The following CFDP1 variants were observed in gnomAD, a reference collection of about 807,000 sequenced individuals.
CFDP1 encodes the protein chromatin remodeling protein CFDP1.
CFDP1 carries 31 observed loss-of-function variants against 40.1 expected under a neutral mutation model. That is an observed-to-expected ratio of 0.77 (90% CI 0.58 to 1.04). The LOEUF (loss-of-function observed/expected upper bound fraction) is 1.04, where lower values mean the gene tolerates loss of function less well. Among genes scored for constraint, CFDP1 ranks in the 50% least tolerant of loss-of-function variants. The pLI is 0.00. For synonymous variants in CFDP1, 167 were observed against 120.0 expected, an observed-to-expected ratio of 1.39 and a Z score of -2.56; for missense variants, 423 against 343.4, an observed-to-expected ratio of 1.23 and a Z score of -1.83.
At chr16:75,361,435 A>G (rs1208675258) in intron 5 of CFDP1, among the ~76,000 whole-genome samples, 1 of 152,096 alleles carries the variant, frequency 6.6e-6, no homozygotes, top group Non-Finnish European at 1.5e-5. Flanking sequence ...TAGACAACAT[A>G]GTGAATCCCC....
intron 5 of CFDP1, among the ~76,000 whole-genome samples, chr16:75,322,187 G>C (rs908632848): frequency 1.1e-4 from 17 of 152,226 alleles, no homozygotes; most frequent in Admixed American, 9.8e-4. Context: ...AGAAGAATCA[G>C]AAATCTAGTC....
chr16:75,419,370 A>T (rs1334110854), intron 1 of CFDP1, among the ~76,000 whole-genome samples: 2 of 152,228 alleles, frequency 1.3e-5, no homozygotes, highest in African/African-American at 4.8e-5. Context: ...TATTGTTCCA[A>T]TTGATAAAGG....
intron 5 of CFDP1, among the ~76,000 whole-genome samples, chr16:75,318,405 TTTC>T (rs917040565): frequency 4.9e-4 from 54 of 111,018 alleles, no homozygotes; most frequent in East Asian, 2.5e-3. Flanking sequence ...GCTTTCTTTC[TTTC>T]TTTTTTTTTT....
chr16:75,392,677 G>C (rs766459223), intron 5 of CFDP1, among the ~76,000 whole-genome samples: 1 of 152,066 alleles, frequency 6.6e-6, no homozygotes, highest in Non-Finnish European at 1.5e-5. Context: ...TTTGCATTTT[G>C]AGTAGGCATG....
intron 5 of CFDP1, among the ~76,000 whole-genome samples, chr16:75,331,906 A>C (rs1435435080): frequency 6.6e-6 from 1 of 152,192 alleles, no homozygotes; most frequent in Non-Finnish European, 1.5e-5. Context: ...AAGAACTCTC[A>C]CACGTTATAG....
At chr16:75,303,608 C>T (rs1210175558) in intron 6 of CFDP1, among the ~76,000 whole-genome samples, 1 of 150,130 alleles carries the variant, frequency 6.7e-6, no homozygotes, top group Non-Finnish European at 1.5e-5. Flanking sequence ...GCAGGAGGAT[C>T]GTTTGAGCCC....
rs143939828 is a variant in CFDP1 at position 75,389,317 on chromosome 16, G to C, written c.650+5773C>G. ...GACCATGAGAATTTAGACACATTAA[G>C]CTTTGTACTTTACTACCAAATGTAG... On this transcript the variant is annotated intron_variant, in intron 5 of 6. Transcript: ENST00000283882. Among the ~76,000 whole-genome samples the C allele has an allele frequency of 1.5e-3, 221 of 152,308 alleles. 1 individual carries two copies. The highest frequency in any genetic ancestry group is 5.2e-3 in the African/African-American group (218 of 41,580).
At chr16:75,415,702 T>C (rs1597397595) in intron 1 of CFDP1, among the ~76,000 whole-genome samples, 2 of 152,232 alleles carry the variant, frequency 1.3e-5, no homozygotes, top group African/African-American at 4.8e-5. Flanking sequence ...AGCTGTAGTT[T>C]ATTCATTCTC....
chr16:75,352,229 T>C (rs2078617856), intron 5 of CFDP1, among the ~76,000 whole-genome samples: 1 of 151,710 alleles, frequency 6.6e-6, no homozygotes, highest in African/African-American at 2.4e-5. Flanking sequence ...TAGTCCCAGC[T>C]ACTGGGGAAG....
chr16:75,334,590 T>C (rs993151055), intron 5 of CFDP1, among the ~76,000 whole-genome samples: 1 of 152,016 alleles, frequency 6.6e-6, no homozygotes, highest in Admixed American at 6.6e-5. Context: ...GCCCCTCTTT[T>C]ACTATTCATG....
chr16:75,420,083 A>T (rs2151594494), intron 1 of CFDP1, among the ~76,000 whole-genome samples: 1 of 147,074 alleles, frequency 6.8e-6, no homozygotes, highest in South Asian at 2.2e-4. Flanking sequence ...TTGAGTCCAG[A>T]CTGAACAACA....
At chr16:75,321,010 GTT>G (rs1444834505) in intron 5 of CFDP1, among the ~76,000 whole-genome samples, 2 of 152,080 alleles carry the variant, frequency 1.3e-5, no homozygotes, top group Non-Finnish European at 2.9e-5. Flanking sequence ...GATCTTGCTG[GTT>G]TTGAACTCCT....
chr16:75,324,998 T>G (rs2078392342), intron 5 of CFDP1: 1 of 152,214 alleles, frequency 6.6e-6, no homozygotes, highest in Non-Finnish European at 1.5e-5. Flanking sequence ...TAATTTGAGC[T>G]TCTTTGATGG....
intron 5 of CFDP1, among the ~76,000 whole-genome samples, chr16:75,305,914 G>A (rs1441086640): frequency 1.3e-5 from 2 of 152,198 alleles, no homozygotes; most frequent in Admixed American, 6.5e-5. Context: ...TCCACTTGCT[G>A]GTGATGCTAT....
intron 4 of CFDP1, among the ~76,000 whole-genome samples, chr16:75,400,506 A>C (rs187436): frequency 1 from 151,537 of 152,222 alleles, 75,427 homozygotes; most frequent in Middle Eastern, 1. Context: ...AGTTGGAATT[A>C]TCCATCAGGA....
At chr16:75,357,159 C>T (rs532745476) in intron 5 of CFDP1, among the ~76,000 whole-genome samples, 132 of 152,082 alleles carry the variant, frequency 8.7e-4, no homozygotes, top group African/African-American at 2.8e-3. Flanking sequence ...GTGATCCACC[C>T]GCCTTGGCCT....
intron 4 of CFDP1, among the ~76,000 whole-genome samples, chr16:75,399,518 A>G (rs552173368): frequency 3.3e-5 from 5 of 152,326 alleles, no homozygotes; most frequent in Admixed American, 3.3e-4. Context: ...AGTATAACAG[A>G]AAAGGGATGC....
intron 6 of CFDP1, among the ~76,000 whole-genome samples, chr16:75,301,248 T>C (rs934344088): frequency 6.6e-6 from 1 of 152,170 alleles, no homozygotes; most frequent in Non-Finnish European, 1.5e-5. Flanking sequence ...ATGGGGCTAG[T>C]ACCTATGGTA....
intron 5 of CFDP1, among the ~76,000 whole-genome samples, chr16:75,328,944 T>C (rs1446676586): frequency 6.6e-6 from 1 of 151,752 alleles, no homozygotes; most frequent in Non-Finnish European, 1.5e-5. Flanking sequence ...CCTCCTGGGT[T>C]CATGAGATTC....
Sources: gnomAD v4.1 joint callset for allele counts (sites outside exome capture counted in the v4.1 genomes callset) on GRCh38, gnomAD v4.1.1 for gene constraint, MANE v1.5 for transcripts, NCBI Gene and HGNC (gene_info 2026-07-23, HGNC 2026-07-21) for gene names.